LOXL2: variants seen among roughly 807,000 people sequenced by gnomAD.
LOXL2 encodes the protein lysyl oxidase homolog 2.
LOXL2 carries 70 observed loss-of-function variants against 93.0 expected under a neutral mutation model. The observed-to-expected ratio is 0.75, with a 90% CI of 0.62 to 0.92. LOXL2 has a LOEUF of 0.92. Ranked by LOEUF, LOXL2 falls within the 40% of genes least tolerant of loss-of-function variation. The pLI, the probability that LOXL2 is intolerant of heterozygous loss-of-function variation, is 0.00. For missense variants in LOXL2, 973 were observed against 1,054.9 expected (o/e 0.92, Z 1.08); for synonymous variants, 438 against 413.2 (o/e 1.06, Z -0.73).
chr8:23,307,882 T>G (rs1803254738), intron 10 of LOXL2, among the ~76,000 whole-genome samples: 1 of 133,416 alleles, frequency 7.5e-6, no homozygotes, highest in African/African-American at 2.7e-5. Flanking sequence ...ACCATAGTCC[T>G]TTCTTGTGAG....
Position 23,397,710 on chromosome 8 carries a change from G to A in LOXL2, c.-84+6244C>T, listed in dbSNP as rs543079336. Among the ~76,000 whole-genome samples, 22 of 151,418 alleles carry A rather than the reference G, an allele frequency of 1.5e-4. No homozygotes were observed. The South Asian group carries it at 2.5e-3, about 17-fold the overall frequency. On this transcript the variant is annotated intron_variant, in intron 1 of 13. Coordinates refer to ENST00000389131, the MANE Select transcript of LOXL2 (RefSeq NM_002318.3). ...GGAGAATGGCGTGAACTTGGGAGGC[G>A]GAGCTTGCAGTGAGCCGAGATCGCG... is the stretch of plus-strand genomic sequence containing the variant.
intron 3 of LOXL2, among the ~76,000 whole-genome samples, chr8:23,357,521 C>G (rs891853638): frequency 7.2e-5 from 11 of 152,104 alleles, no homozygotes; most frequent in Admixed American, 5.2e-4. Context: ...TTTGGGTAAT[C>G]TAATCTAATC....
In LOXL2 at chr8:23,303,274, T is replaced by C. The variant is rs771004477; in HGVS notation, c.1996+8A>G. ...GAGGCCTCCCATCCCCCCACTCCGC[T>C]CAGATACCTCCTTCACATTCTGTGT... On this transcript the variant is annotated splice_region_variant and intron_variant, in intron 11 of 13. Transcript: ENST00000389131. 6.3e-7 allele frequency: 1 copy of C among 1,586,520 alleles called. No homozygotes were observed. The highest frequency in any genetic ancestry group is 8.7e-7 in the Non-Finnish European group (1 of 1,155,368).
chr8:23,317,186 G>T (rs1803416870), intron 8 of LOXL2, 72 bp from the exon 9 acceptor site: 4 of 1,494,990 alleles, frequency 2.7e-6, no homozygotes, highest in Non-Finnish European at 3.7e-6. Context: ...CTATCAACTT[G>T]CAGCCTCACA....
intron 1 of LOXL2, among the ~76,000 whole-genome samples, chr8:23,396,486 G>A (rs187994583): frequency 2.2e-4 from 33 of 152,300 alleles, no homozygotes; most frequent in African/African-American, 7.9e-4. Context: ...GAGTTCTCCA[G>A]GTGGATTTGA....
chr8:23,320,426 T>C (rs117934661), intron 7 of LOXL2, among the ~76,000 whole-genome samples: 3,226 of 152,198 alleles, frequency 0.021, 126 homozygotes, highest in Admixed American at 0.087. Flanking sequence ...CTTTGCCACA[T>C]CCCCTACCTG....
chr8:23,311,787 A>G (rs1287337922), intron 9 of LOXL2, among the ~76,000 whole-genome samples: 1 of 152,222 alleles, frequency 6.6e-6, no homozygotes, highest in Non-Finnish European at 1.5e-5. Flanking sequence ...AGACAGACAT[A>G]TTCAGCACAT....
intron 6 of LOXL2, among the ~76,000 whole-genome samples, chr8:23,328,092 C>G (rs1032654852): frequency 6.6e-6 from 1 of 152,108 alleles, no homozygotes; most frequent in Admixed American, 6.5e-5. Context: ...GGGTTAGGAG[C>G]TGGGAGACCT....
intron 9 of LOXL2, among the ~76,000 whole-genome samples, chr8:23,310,150 TCA>T (rs1173058636): frequency 6.6e-6 from 1 of 152,210 alleles, no homozygotes; most frequent in African/African-American, 2.4e-5. Flanking sequence ...TGTTAAAATC[TCA>T]CACACCTGGT....
At chr8:23,332,696 A>C (rs1236858311) in intron 5 of LOXL2, among the ~76,000 whole-genome samples, 2 of 21,186 alleles carry the variant, frequency 9.4e-5, no homozygotes, top group Non-Finnish European at 1.5e-4. Flanking sequence ...TACACCCCCC[A>C]CACACTCATA....
rs529689437 is a variant in LOXL2 at position 23,389,905 on chromosome 8, G to A, written c.-84+14049C>T. Among the ~76,000 whole-genome samples the A allele has an allele frequency of 1.2e-4, 18 of 152,266 alleles. No homozygotes were observed. In the East Asian group the frequency reaches 2.3e-3, roughly 20 times the overall value. Reference sequence around the variant, plus strand: ...TCCCAGCAACAGTCCTGCCTGCCCCGGATTTGAAGCATCTCATAAACAACC... The same window carrying A: ...TCCCAGCAACAGTCCTGCCTGCCCCAGATTTGAAGCATCTCATAAACAACC... On this transcript the variant is annotated intron_variant, in intron 1 of 13. Transcript: ENST00000389131.
chr8:23,367,470 A>G (rs1242207056), intron 2 of LOXL2, among the ~76,000 whole-genome samples: 4 of 152,234 alleles, frequency 2.6e-5, no homozygotes, highest in Admixed American at 2.6e-4. Flanking sequence ...CCAAGCCCAC[A>G]ATAGCAGGTT....
At chr8:23,344,776 G>T (rs1193526281) in intron 3 of LOXL2, among the ~76,000 whole-genome samples, 1 of 152,114 alleles carries the variant, frequency 6.6e-6, no homozygotes, top group African/African-American at 2.4e-5. Context: ...CGTGTTCCTT[G>T]CAAGGCCTTA....
At chr8:23,364,579 T>C (rs1210709654) in intron 2 of LOXL2, 1 of 148,040 alleles carries the variant, frequency 6.8e-6, no homozygotes, top group African/African-American at 2.4e-5. Flanking sequence ...GTCACGCCTG[T>C]AATCCTAGCA....
Position 23,297,917 on chromosome 8 carries a change from G to A in LOXL2, c.*126C>T, listed in dbSNP as rs2117133869. ...CCTGAGCTTAGACACAGCTGTAGGGGTCTGGACAGGGTGGGGGCCGGGCTG... is the reference window on the plus strand; with the variant it reads ...CCTGAGCTTAGACACAGCTGTAGGGATCTGGACAGGGTGGGGGCCGGGCTG... On this transcript the variant is annotated 3_prime_UTR_variant, in exon 14 of 14. Coordinates refer to ENST00000389131, the MANE Select transcript of LOXL2 (RefSeq NM_002318.3). 2 of 721,590 alleles carry A rather than the reference G, an allele frequency of 2.8e-6. No homozygotes were observed. Among genetic ancestry groups the A allele is most frequent in the East Asian group, 2.7e-5 (1 of 37,212 alleles). The allele number at this position is 721,590 out of a possible 1,614,324, so 44.7% of individuals were successfully genotyped here. A position where few individuals can be genotyped will look rare whatever the true frequency, so the allele number is the denominator to read the frequency against.
In LOXL2 at chr8:23,309,713, C is replaced by G; in HGVS notation, c.1835G>C (p.Arg612Pro). ...QIHNNGQSDF[R>P]PKNGRHAWIW... ...CCACGCGTGGCGGCCGTTCTTGGGC[C>G]GGAAGTCGGACTGGCCATTGTTGTG... Residue 612 changes from arginine (R) to proline (P), a missense_variant, in exon 10 of 14, where the codon CGG (arginine) becomes CCG (proline). Arg to Pro is a moderately radical substitution (Grantham distance 103). Coordinates refer to ENST00000389131, the MANE Select transcript of LOXL2 (RefSeq NM_002318.3). 6.4e-7 allele frequency: 1 copy of G among 1,569,442 alleles called. No homozygotes were observed. Among genetic ancestry groups the G allele is most frequent in the Non-Finnish European group, 8.6e-7 (1 of 1,156,506 alleles).
intron 7 of LOXL2, 65 bp downstream of exon 7, chr8:23,322,065 G>C: frequency 1.9e-6 from 3 of 1,562,172 alleles, no homozygotes; most frequent in Non-Finnish European, 1.7e-6. Flanking sequence ...GTTCACCCCA[G>C]AGCTCTGTGG....
At chr8:23,385,939 C>CA in intron 1 of LOXL2, 1 of 765,282 alleles carries the variant, frequency 1.3e-6, no homozygotes, top group East Asian at 2.4e-5. Flanking sequence ...CAATTCCAAG[C>CA]AGCACATTGC....
chr8:23,312,192 G>A (rs886769859), intron 9 of LOXL2, among the ~76,000 whole-genome samples: 1 of 151,784 alleles, frequency 6.6e-6, no homozygotes, highest in African/African-American at 2.4e-5. Context: ...AGGACCAGAT[G>A]GATTCACAGC....
Sources: allele counts gnomAD v4.1 joint callset (sites outside exome capture counted in the v4.1 genomes callset), GRCh38; gene constraint gnomAD v4.1.1; transcripts MANE v1.5; gene names NCBI Gene and HGNC (gene_info 2026-07-23, HGNC 2026-07-21).